Variants in KIF9 observed in about 807,000 individuals in gnomAD.
KIF9 encodes kinesin family member 9.
A neutral mutation model predicts 94.8 loss-of-function variants in KIF9; 68 were observed. That is an observed-to-expected ratio of 0.72 (90% CI 0.59 to 0.88). KIF9 has a LOEUF of 0.88. Among genes scored for constraint, KIF9 ranks in the 40% least tolerant of loss-of-function variants. KIF9 has a pLI of 0.00. For missense variants in KIF9, 882 were observed against 982.5 expected (o/e 0.90, Z 1.37); for synonymous variants, 343 against 362.1 (o/e 0.95, Z 0.60).
rs999503061 is a variant in KIF9, at chr3:47,261,924, G to T, written c.981+2362C>A. ...CACATGTACAGTGTCACTGCATAAA[G>T]CAATACAATCCATGATGAGAATAGT... On this transcript the variant is annotated intron_variant, in intron 9 of 20. Transcript: ENST00000684063. Among the ~76,000 whole-genome samples, 4 of 152,334 alleles carry T rather than the reference G, an allele frequency of 2.6e-5. No individual in the cohort carries two copies. In the South Asian group the frequency reaches 6.2e-4, roughly 24 times the overall value.
At chr3:47,276,077 T>C (rs943465922) in intron 2 of KIF9, among the ~76,000 whole-genome samples, 23 of 152,208 alleles carry the variant, frequency 1.5e-4, no homozygotes, top group Non-Finnish European at 7.3e-5. Flanking sequence ...GATTTTTAGA[T>C]GCATGCCCCT....
chr3:47,270,372 G>C (rs989456726), intron 5 of KIF9, among the ~76,000 whole-genome samples: 1 of 151,598 alleles, frequency 6.6e-6, no homozygotes, highest in African/African-American at 2.4e-5. Flanking sequence ...TCCTGCCTCA[G>C]CCTCCCTAGT....
chr3:47,247,491 G>A lies in KIF9; in HGVS notation c.1129-14C>T. 3 of 1,590,426 alleles carry A rather than the reference G, an allele frequency of 1.9e-6. No individual in the cohort carries two copies. The highest frequency in any genetic ancestry group is 2.6e-6 in the Non-Finnish European group (3 of 1,158,700). ...GGTGCGGTTGGTCTTGAAGGAGGAT[G>A]AAGAACATGTGGATAAGCAACAAGA... is the stretch of plus-strand genomic sequence containing the variant. On this transcript the variant is annotated splice_polypyrimidine_tract_variant and intron_variant, in intron 11 of 20. Transcript: ENST00000684063.
intron 5 of KIF9, among the ~76,000 whole-genome samples, chr3:47,269,824 G>A (rs1227570143): frequency 7.1e-6 from 1 of 140,484 alleles, no homozygotes; most frequent in Non-Finnish European, 1.5e-5. Flanking sequence ...TCGCCAGGCT[G>A]GAGTGCAGTG....
chr3:47,278,572 T>C (rs1411172775), intron 1 of KIF9, among the ~76,000 whole-genome samples: 1 of 152,124 alleles, frequency 6.6e-6, no homozygotes, highest in African/African-American at 2.4e-5. Context: ...GCTCATACCA[T>C]AATCTTAGCA....
chr3:47,253,682 G>C (rs547412968), intron 10 of KIF9, among the ~76,000 whole-genome samples: 1 of 152,066 alleles, frequency 6.6e-6, no homozygotes, highest in Non-Finnish European at 1.5e-5. Context: ...AGAGACTGTC[G>C]TTTGGGCCAC....
chr3:47,261,469 CAGTG>C (rs1266485390), intron 9 of KIF9, among the ~76,000 whole-genome samples: 2 of 152,112 alleles, frequency 1.3e-5, no homozygotes, highest in African/African-American at 4.8e-5. Flanking sequence ...TCCTCCTTGG[CAGTG>C]ACGAACAGCC....
chr3:47,273,603 C>T lies in KIF9; in HGVS notation c.315G>A (p.Gly105=), dbSNP rs755786123. The T allele has an allele frequency of 8.1e-6, 13 of 1,613,516 alleles. No homozygotes were observed. Among genetic ancestry groups the T allele is most frequent in the Non-Finnish European group, 1.1e-5 (13 of 1,179,744 alleles). The change falls in exon 4 of 21, where the codon GGG becomes GGA. Residue 105 remains glycine (G), a synonymous_variant. Transcript: ENST00000684063. ...CCCGGTGCTTGTAATTCTCAGTTGC[C>T]CCCATCATGGTGTATGTCTTGCCAG... is the stretch of plus-strand genomic sequence containing the variant. ...TGAGKTYTMM[G]ATENYKHRGI...
chr3:47,242,815 A>G (rs1699665167), intron 16 of KIF9, among the ~76,000 whole-genome samples: 1 of 152,160 alleles, frequency 6.6e-6, no homozygotes, highest in African/African-American at 2.4e-5. Context: ...TATTTAAATA[A>G]TTGCTATTTG....
chr3:47,272,498 G>A (rs562261999), intron 4 of KIF9, among the ~76,000 whole-genome samples: 12 of 152,236 alleles, frequency 7.9e-5, no homozygotes, highest in Admixed American at 2.6e-4. Context: ...TCTAAATACA[G>A]ATCAAGCATT....
rs184056907 is a variant in KIF9 at position 47,262,699 on chromosome 3, G to A, written c.981+1587C>T. Among the ~76,000 whole-genome samples the A allele has an allele frequency of 5.3e-5, 8 of 152,264 alleles. No homozygotes were observed. The East Asian group carries it at 1.5e-3, about 29-fold the overall frequency. ...GTCCCAGGGTGCTGGATGTACGACA[G>A]GAGCACTCTCCTTGGAAGCTGGGAC... is the stretch of plus-strand genomic sequence containing the variant. On this transcript the variant is annotated intron_variant, in intron 9 of 20. Transcript: ENST00000684063.
chr3:47,255,992 CCG>C (rs1700558245), intron 10 of KIF9, among the ~76,000 whole-genome samples: 1 of 152,206 alleles, frequency 6.6e-6, no homozygotes, highest in South Asian at 2.1e-4. Flanking sequence ...CAGCTCCTAA[CCG>C]CGAGTGATCC....
intron 5 of KIF9, 57 bp downstream of exon 5, chr3:47,271,177 GAGA>G: frequency 8.5e-7 from 1 of 1,182,634 alleles, no homozygotes; most frequent in Non-Finnish European, 1.2e-6. Context: ...AAGAAAAGCT[GAGA>G]AGGAGGGTGG....
At chr3:47,268,956 T>C (rs561251887) in intron 5 of KIF9, among the ~76,000 whole-genome samples, 2 of 152,264 alleles carry the variant, frequency 1.3e-5, no homozygotes, top group East Asian at 3.8e-4. Flanking sequence ...GTATTTTTAA[T>C]AGAGAGGGGG....
chr3:47,243,265 C>A lies in KIF9; in HGVS notation c.1515-20G>T. ...AAGGAGCTGGAAGAAGGCACGGAAG[C>A]CCCAGGGTTCAGTCATGGACAGTGA... On this transcript the variant is annotated intron_variant, in intron 15 of 20. Transcript: ENST00000684063. 1 of 1,597,182 alleles carries A rather than the reference C, an allele frequency of 6.3e-7. No homozygotes were observed. Among genetic ancestry groups the A allele is most frequent in the Non-Finnish European group, 8.6e-7 (1 of 1,169,298 alleles).
At chr3:47,235,278 C>T (rs1010169954) in intron 20 of KIF9, among the ~76,000 whole-genome samples, 13 of 152,206 alleles carry the variant, frequency 8.5e-5, no homozygotes, top group Non-Finnish European at 1.5e-5. Context: ...GCGAACCATA[C>T]ATAGGCTAGT....
chr3:47,261,327 G>A (rs1700959107), intron 9 of KIF9, among the ~76,000 whole-genome samples: 1 of 152,212 alleles, frequency 6.6e-6, no homozygotes, highest in East Asian at 1.9e-4. Flanking sequence ...GATGCCTGGG[G>A]GGTCGCAGCA....
chr3:47,274,192 C>T (rs888965042), intron 3 of KIF9, among the ~76,000 whole-genome samples: 2 of 152,218 alleles, frequency 1.3e-5, no homozygotes, highest in Non-Finnish European at 2.9e-5. Flanking sequence ...CAGGATGAAA[C>T]AGGGCTCCTA....
At chr3:47,246,358 C>T in intron 12 of KIF9, 106 bp from the exon 13 acceptor site, 2 of 794,328 alleles carry the variant, frequency 2.5e-6, no homozygotes, top group Non-Finnish European at 1.9e-6. Context: ...ACCCCTGGAC[C>T]ATCTGTCTCG....
Sources: allele counts gnomAD v4.1 joint callset (sites outside exome capture counted in the v4.1 genomes callset), GRCh38; gene constraint gnomAD v4.1.1; transcripts MANE v1.5; gene names NCBI Gene and HGNC (gene_info 2026-07-23, HGNC 2026-07-21).